Variants in FRMD4B observed in about 807,000 individuals in gnomAD.
FRMD4B encodes FERM domain-containing protein 4B.
In FRMD4B, 74 loss-of-function variants were observed where a neutral mutation model predicts 141.5. The observed-to-expected ratio is 0.52, with a 90% CI of 0.43 to 0.63. FRMD4B has a LOEUF of 0.63. Among genes scored for constraint, FRMD4B ranks in the 30% least tolerant of loss-of-function variants. The pLI, the probability that FRMD4B is intolerant of heterozygous loss-of-function variation, is 0.00. For synonymous variants in FRMD4B, 506 were observed against 467.9 expected (o/e 1.08, Z -1.05); for missense variants, 1,366 against 1,253.4 (o/e 1.09, Z -1.36).
intron 2 of FRMD4B, among the ~76,000 whole-genome samples, chr3:69,432,110 G>A (rs932330940): frequency 2.0e-5 from 3 of 152,088 alleles, no homozygotes; most frequent in South Asian, 2.1e-4. Context: ...AAAATAAAAC[G>A]CCAGTACTGA....
chr3:69,509,389 C>T (rs911162455), intron 1 of FRMD4B, among the ~76,000 whole-genome samples: 4 of 152,132 alleles, frequency 2.6e-5, no homozygotes, highest in African/African-American at 9.7e-5. Flanking sequence ...CTGTTCCCTC[C>T]CGCCATGTTG....
chr3:69,313,940 C>A (rs1651949591), intron 1 of FRMD4B, among the ~76,000 whole-genome samples: 1 of 147,946 alleles, frequency 6.8e-6, no homozygotes, highest in African/African-American at 2.5e-5. Context: ...GAGATCGAGA[C>A]CATCCTGGCT....
chr3:69,232,006 A>C (rs2093310515), intron 7 of FRMD4B, among the ~76,000 whole-genome samples: 1 of 152,142 alleles, frequency 6.6e-6, no homozygotes, highest in Non-Finnish European at 1.5e-5. Flanking sequence ...TCTGCACAGA[A>C]GGCCCCTCCC....
chr3:69,417,610 AGTCTTTGC>A (rs1704891263), intron 2 of FRMD4B, among the ~76,000 whole-genome samples: 4 of 152,218 alleles, frequency 2.6e-5, no homozygotes, highest in Admixed American at 2.0e-4. Flanking sequence ...TTAGTCACGA[AGTCTTTGC>A]CCATGATTGT....
intron 1 of FRMD4B, among the ~76,000 whole-genome samples, chr3:69,523,894 C>T (rs1323372032): frequency 6.6e-6 from 1 of 152,138 alleles, no homozygotes; most frequent in Non-Finnish European, 1.5e-5. Flanking sequence ...TACCACCCTA[C>T]CCAGGGAATC....
At chr3:69,512,799 A>T (rs953275523) in intron 1 of FRMD4B, among the ~76,000 whole-genome samples, 1 of 152,240 alleles carries the variant, frequency 6.6e-6, no homozygotes. Flanking sequence ...TTAAAAGGAT[A>T]AAAGGTAAGC....
intron 1 of FRMD4B, among the ~76,000 whole-genome samples, chr3:69,446,688 G>A (rs1360256031): frequency 6.6e-6 from 1 of 152,182 alleles, no homozygotes; most frequent in Non-Finnish European, 1.5e-5. Flanking sequence ...TCTACTCAGA[G>A]TTAAAACTCA....
chr3:69,214,733 G>T (rs1318846771), intron 11 of FRMD4B, among the ~76,000 whole-genome samples: 1 of 152,034 alleles, frequency 6.6e-6, no homozygotes, highest in Non-Finnish European at 1.5e-5. Flanking sequence ...ATGGTAGCAT[G>T]TGTCTGTAGT....
At chr3:69,401,995 G>A (rs950843579) in intron 2 of FRMD4B, among the ~76,000 whole-genome samples, 1 of 152,194 alleles carries the variant, frequency 6.6e-6, no homozygotes, top group Non-Finnish European at 1.5e-5. Flanking sequence ...AGTAGCCTGT[G>A]CGTAGGCAAT....
At chr3:69,303,006 G>A (rs1016678134) in intron 3 of FRMD4B, among the ~76,000 whole-genome samples, 1 of 152,054 alleles carries the variant, frequency 6.6e-6, no homozygotes, top group Non-Finnish European at 1.5e-5. Context: ...CCCGGGAGGC[G>A]GAGGTTGCAG....
intron 7 of FRMD4B, among the ~76,000 whole-genome samples, chr3:69,225,843 A>G (rs1299096705): frequency 6.6e-6 from 1 of 152,120 alleles, no homozygotes; most frequent in Non-Finnish European, 1.5e-5. Flanking sequence ...TCTAAAGCCT[A>G]TTAGAGGGTA....
chr3:69,222,133 T>C (rs1215004014), intron 8 of FRMD4B, among the ~76,000 whole-genome samples: 1 of 152,028 alleles, frequency 6.6e-6, no homozygotes, highest in Non-Finnish European at 1.5e-5. Context: ...TTAACTTATG[T>C]TTTATGTAGC....
chr3:69,507,592 C>T (rs981800179), intron 1 of FRMD4B, among the ~76,000 whole-genome samples: 1 of 152,228 alleles, frequency 6.6e-6, no homozygotes, highest in East Asian at 1.9e-4. Context: ...TAGAATATTT[C>T]TAATCTTTTA....
chr3:69,429,018 TCAG>T (rs1352762222), intron 2 of FRMD4B, among the ~76,000 whole-genome samples: 2 of 152,194 alleles, frequency 1.3e-5, no homozygotes, highest in Non-Finnish European at 2.9e-5. Context: ...GTAGCATGTG[TCAG>T]GATTTCATAA....
intron 1 of FRMD4B, among the ~76,000 whole-genome samples, chr3:69,510,928 T>C (rs1436668419): frequency 6.6e-6 from 1 of 152,248 alleles, no homozygotes; most frequent in African/African-American, 2.4e-5. Flanking sequence ...TTCTTATAGT[T>C]GACCAATAAA....
chr3:69,513,745 A>G (rs1424489763), intron 1 of FRMD4B, among the ~76,000 whole-genome samples: 2 of 152,218 alleles, frequency 1.3e-5, no homozygotes, highest in African/African-American at 4.8e-5. Flanking sequence ...CAACATGAAA[A>G]AAACAACCAA....
chr3:69,450,648 G>A (rs904829488), intron 1 of FRMD4B, among the ~76,000 whole-genome samples: 26 of 152,152 alleles, frequency 1.7e-4, no homozygotes, highest in African/African-American at 6.3e-4. Flanking sequence ...CAGTTACTCG[G>A]GAGGCTGAGG....
chr3:69,488,766 G>T (rs1706259185), intron 1 of FRMD4B, among the ~76,000 whole-genome samples: 1 of 151,538 alleles, frequency 6.6e-6, no homozygotes, highest in Non-Finnish European at 1.5e-5. Flanking sequence ...GGTGGCGGGT[G>T]CCTGTAATCC....
chr3:69,176,412 G>A (rs2092646343), intron 22 of FRMD4B, 112 bp downstream of exon 22: 2 of 843,020 alleles, frequency 2.4e-6, no homozygotes, highest in African/African-American at 3.4e-5. Flanking sequence ...TTGGCCCACA[G>A]GCTAGAGTTT....
Sources: allele counts gnomAD v4.1 joint callset (sites outside exome capture counted in the v4.1 genomes callset), GRCh38; gene constraint gnomAD v4.1.1; transcripts MANE v1.5; gene names NCBI Gene and HGNC (gene_info 2026-07-23, HGNC 2026-07-21).